Variants in DOK6 observed in about 807,000 individuals in gnomAD.
DOK6 encodes the protein downstream of tyrosine kinase 6.
A neutral mutation model predicts 44.0 loss-of-function variants in DOK6; 22 were observed. The ratio of observed to expected loss-of-function variants is 0.50; its 90% confidence interval spans 0.36 to 0.71. DOK6 has a LOEUF of 0.71. Ranked by LOEUF, DOK6 falls within the 30% of genes least tolerant of loss-of-function variation. The probability of loss-of-function intolerance (pLI) is 0.00; values close to 1 mark genes in which losing one functional copy is unlikely to be tolerated. For synonymous variants in DOK6, 166 were observed against 145.5 expected (o/e 1.14, Z -1.01); for missense variants, 340 against 416.4 (o/e 0.82, Z 1.60).
rs1038094222 is a variant in DOK6 at position 69,823,819 on chromosome 18, T to G, written c.857-17425T>G. On this transcript the variant is annotated intron_variant, in intron 7 of 7. Coordinates refer to ENST00000382713, the MANE Select transcript of DOK6 (RefSeq NM_152721.6). Reference sequence around the variant, plus strand: ...TCTATCAAGGTTCTTCTATGATCATTTCATAGGATTTATATTTGGAAAGAA... The same window carrying G: ...TCTATCAAGGTTCTTCTATGATCATGTCATAGGATTTATATTTGGAAAGAA... Among the ~76,000 whole-genome samples the G allele has an allele frequency of 1.5e-4, 23 of 152,064 alleles. 1 individual carries two copies. Among genetic ancestry groups the G allele is most frequent in the Admixed American group, 1.2e-3 (19 of 15,264 alleles).
chr18:69,619,264 A>G (rs562087333), intron 3 of DOK6, among the ~76,000 whole-genome samples: 1 of 152,294 alleles, frequency 6.6e-6, no homozygotes, highest in East Asian at 1.9e-4. Flanking sequence ...GCTTGAGGAC[A>G]CAGAACTGAA....
intron 1 of DOK6, among the ~76,000 whole-genome samples, chr18:69,442,906 C>T (rs575770190): frequency 3.9e-5 from 6 of 152,294 alleles, no homozygotes; most frequent in African/African-American, 9.6e-5. Context: ...ATTTATTTCT[C>T]ACTGCATACT....
chr18:69,551,485 AAGT>A (rs1227075105), intron 1 of DOK6, among the ~76,000 whole-genome samples: 1 of 152,216 alleles, frequency 6.6e-6, no homozygotes, highest in African/African-American at 2.4e-5. Flanking sequence ...ATTGACTTAA[AAGT>A]AGGGCAGGTA....
intron 4 of DOK6, among the ~76,000 whole-genome samples, chr18:69,683,926 G>A (rs1483671548): frequency 6.6e-6 from 1 of 152,142 alleles, no homozygotes; most frequent in East Asian, 1.9e-4. Flanking sequence ...CACCTAACAT[G>A]TATTCATATC....
chr18:69,663,221 A>G (rs1204947394), intron 3 of DOK6: 1 of 152,196 alleles, frequency 6.6e-6, no homozygotes, highest in Admixed American at 6.5e-5. Context: ...CCTCTTTGCA[A>G]GTTCTGCATT....
At chr18:69,737,748 C>T (rs552112979) in intron 5 of DOK6, among the ~76,000 whole-genome samples, 5 of 152,276 alleles carry the variant, frequency 3.3e-5, no homozygotes, top group South Asian at 2.1e-4. Flanking sequence ...CAAGCTCTTG[C>T]GCGGGGCAGA....
At chr18:69,488,088 C>T (rs1411062918) in intron 1 of DOK6, among the ~76,000 whole-genome samples, 1 of 152,106 alleles carries the variant, frequency 6.6e-6, no homozygotes, top group Admixed American at 6.5e-5. Flanking sequence ...CCTTCTCTAG[C>T]CTTGTCCCTT....
chr18:69,655,896 A>C (rs900757482), intron 3 of DOK6, among the ~76,000 whole-genome samples: 3 of 150,606 alleles, frequency 2.0e-5, no homozygotes, highest in Middle Eastern at 3.2e-3. Flanking sequence ...TGTCCACCAT[A>C]CATCCAACAT....
chr18:69,618,450 T>A (rs1200426823), intron 3 of DOK6: 1 of 157,616 alleles, frequency 6.3e-6, no homozygotes, highest in East Asian at 1.8e-4. Context: ...TAAGAAGGGT[T>A]TAAGAGTTTT....
At chr18:69,688,509 A>G (rs1986198196) in intron 4 of DOK6, among the ~76,000 whole-genome samples, 1 of 152,138 alleles carries the variant, frequency 6.6e-6, no homozygotes, top group Non-Finnish European at 1.5e-5. Context: ...AGACACACAC[A>G]TATGTAGACA....
At position 69,685,952 on chromosome 18, in the gene DOK6, G is replaced by A. The variant is rs190164905; in HGVS notation, c.409+8099G>A. Among the ~76,000 whole-genome samples, 70 of 152,090 alleles carry A rather than the reference G, an allele frequency of 4.6e-4. 1 individual carries two copies. The East Asian group carries it at 0.011, about 25-fold the overall frequency. On this transcript the variant is annotated intron_variant, in intron 4 of 7. Coordinates refer to ENST00000382713, the MANE Select transcript of DOK6 (RefSeq NM_152721.6). ...TTTTGTGGGCTGAATTTTGTTTCAC[G>A]CAAAATGTATATGTTGAAGTCCTAA...
chr18:69,665,215 C>T (rs1985625918), intron 3 of DOK6, among the ~76,000 whole-genome samples: 1 of 151,982 alleles, frequency 6.6e-6, no homozygotes, highest in Admixed American at 6.6e-5. Context: ...TAACTCCTCC[C>T]CAAAAGACAC....
intron 7 of DOK6, among the ~76,000 whole-genome samples, chr18:69,828,974 A>G (rs1486300369): frequency 1.4e-5 from 2 of 147,128 alleles, no homozygotes; most frequent in African/African-American, 2.4e-5. Flanking sequence ...CATTTGGGTA[A>G]TAGAATGTTT....
At chr18:69,793,245 G>C (rs920513227) in intron 7 of DOK6, among the ~76,000 whole-genome samples, 2 of 152,124 alleles carry the variant, frequency 1.3e-5, no homozygotes, top group Non-Finnish European at 2.9e-5. Flanking sequence ...TTTTGAAACA[G>C]TAACAAAAAC....
At position 69,490,143 on chromosome 18, in the gene DOK6, A is replaced by G. The variant is rs541234671; in HGVS notation, c.67-74344A>G. ...AGTTTAAGAATGTCTGAAGAAAACA[A>G]AAAAAAAGCAAAACAAACTTCTTGC... is the stretch of plus-strand genomic sequence containing the variant. On this transcript the variant is annotated intron_variant, in intron 1 of 7. Coordinates refer to ENST00000382713, the MANE Select transcript of DOK6 (RefSeq NM_152721.6). Among the ~76,000 whole-genome samples the G allele has an allele frequency of 8.6e-5, 13 of 152,018 alleles. No individual in the cohort carries two copies. The East Asian group carries it at 2.5e-3, about 29-fold the overall frequency.
At chr18:69,644,650 C>T (rs1019881686) in intron 3 of DOK6, among the ~76,000 whole-genome samples, 18 of 152,182 alleles carry the variant, frequency 1.2e-4, no homozygotes, top group Non-Finnish European at 2.6e-4. Context: ...ATTTTGATTA[C>T]TGCAGCTAAA....
chr18:69,430,695 G>A (rs967427249), intron 1 of DOK6, among the ~76,000 whole-genome samples: 2 of 152,090 alleles, frequency 1.3e-5, no homozygotes, highest in East Asian at 1.9e-4. Context: ...GGCCGGGCAC[G>A]GTGGCTCATG....
intron 3 of DOK6, among the ~76,000 whole-genome samples, chr18:69,669,319 G>C (rs1390155263): frequency 6.6e-6 from 1 of 152,114 alleles, no homozygotes; most frequent in South Asian, 2.1e-4. Context: ...TGTACTTCGT[G>C]TTTAGCTCCC....
intron 5 of DOK6, among the ~76,000 whole-genome samples, chr18:69,714,916 A>G (rs541775176): frequency 2.0e-5 from 3 of 152,250 alleles, no homozygotes; most frequent in Non-Finnish European, 4.4e-5. Context: ...AACAATATGT[A>G]TATGCAGAAA....
Sources: allele counts gnomAD v4.1 joint callset (sites outside exome capture counted in the v4.1 genomes callset), GRCh38; gene constraint gnomAD v4.1.1; transcripts MANE v1.5; gene names NCBI Gene and HGNC (gene_info 2026-07-23, HGNC 2026-07-21).